BTBD17: variants seen among roughly 807,000 people sequenced by gnomAD.
The protein encoded by BTBD17 is BTB/POZ domain-containing protein 17.
In BTBD17, 26 loss-of-function variants were observed where a neutral mutation model predicts 36.9. The ratio of observed to expected loss-of-function variants is 0.70; its 90% CI spans 0.52 to 0.98. The LOEUF (loss-of-function observed/expected upper bound fraction) is 0.98. Among genes scored for constraint, BTBD17 ranks in the 50% least tolerant of loss-of-function variants. The pLI, the probability that BTBD17 is intolerant of heterozygous loss-of-function variation, is 0.00. For missense variants in BTBD17, 630 were observed against 691.3 expected, an observed-to-expected ratio of 0.91 and a Z score of 0.99; for synonymous variants, 341 against 338.0, an observed-to-expected ratio of 1.01 and a Z score of -0.10.
Position 74,356,566 on chromosome 17 carries a change from G to T in BTBD17, c.*91C>A, listed in dbSNP as rs1396340006. The T allele has an allele frequency of 7.3e-7, 1 of 1,360,544 alleles. No homozygotes were observed. Among genetic ancestry groups the T allele is most frequent in the Non-Finnish European group, 9.5e-7 (1 of 1,053,198 alleles). 84.3% of individuals were successfully genotyped at this position (1,360,544 alleles called of 1,614,324 possible). ...GTGGCCGGCGCCTGGCCATCCAGGG[G>T]ACCAGGCTTGTTGCCACCTCCAGGC... On this transcript the variant is annotated 3_prime_UTR_variant, in exon 3 of 3. Transcript: ENST00000375366. This position sits in a 1 kb window ranked among gnomAD's most constrained non-coding sequence, Gnocchi z 4.3.
At chr17:74,359,095 C>G (rs1297963800) in intron 2 of BTBD17, among the ~76,000 whole-genome samples, 1 of 152,126 alleles carries the variant, frequency 6.6e-6, no homozygotes. Context: ...GTGAATGGCA[C>G]CCCCTGAGCA....
At position 74,360,215 on chromosome 17, in the gene BTBD17, G is replaced by C; in HGVS notation, c.116C>G (p.Ala39Gly). The change falls in exon 2 of 3, where the codon GCT becomes GGT. Residue 39 changes from alanine to glycine, a missense_variant. Coordinates refer to ENST00000375366, the MANE Select transcript of BTBD17 (RefSeq NM_001080466.2). ...AQRADVGGEA[A>G]GTSINHSQAV... ...CTGGGAGTGGTTGATGGAGGTGCCA[G>C]CTGCCTCCCCGCCAACATCGGCTCT... 6.2e-7 allele frequency: 1 copy of C among 1,607,626 alleles called. No individual in the cohort carries two copies. Among genetic ancestry groups the C allele is most frequent in the Non-Finnish European group, 8.5e-7 (1 of 1,176,538 alleles).
chr17:74,356,649 C>G lies in BTBD17; in HGVS notation c.*8G>C. The G allele has an allele frequency of 6.7e-7, 1 of 1,502,774 alleles. No individual in the cohort carries two copies. Among genetic ancestry groups the G allele is most frequent in the Non-Finnish European group, 8.9e-7 (1 of 1,118,678 alleles). The allele number at this position is 1,502,774 out of a possible 1,614,324, so 93.1% of individuals were successfully genotyped here. ...CCTAGGCCAGGCCTTTATTCCCAGA[C>G]CCCGAGGCTACTTGGGGGTCCGGAT... On this transcript the variant is annotated 3_prime_UTR_variant, in exon 3 of 3. Coordinates refer to ENST00000375366, the MANE Select transcript of BTBD17 (RefSeq NM_001080466.2). This position sits in a 1 kb window ranked among gnomAD's most constrained non-coding sequence, Gnocchi z 4.3.
At chr17:74,362,360 G>T (rs2054946089), upstream of BTBD17, among the ~76,000 whole-genome samples, 1 of 152,316 alleles carries the variant, frequency 6.6e-6, no homozygotes, top group African/African-American at 2.4e-5. Flanking sequence ...CTCCCATTTT[G>T]GGGTGGGGCA....
Position 74,360,152 on chromosome 17 carries a change from C to T in BTBD17, c.179G>A (p.Gly60Asp), listed in dbSNP as rs2054928211. ...CCGCAGAACCACATCGCTGGCGTTG[C>T]CCTGCCGCAGCAGCTCCTGCAAGCG... ...LQRLQELLRQ[G>D]NASDVVLRVQ... is the part of the protein sequence containing the mutation. The change falls in exon 2 of 3, where the codon GGC becomes GAC. Residue 60 changes from glycine to aspartate, a missense_variant. Transcript: ENST00000375366. The T allele has an allele frequency of 2.5e-6, 4 of 1,612,680 alleles. No homozygotes were observed. Among genetic ancestry groups the T allele is most frequent in the Non-Finnish European group, 3.4e-6 (4 of 1,179,850 alleles).
chr17:74,356,836 G>T lies in BTBD17; in HGVS notation c.1258C>A (p.Gln420Lys). 1 of 1,567,118 alleles carries T rather than the reference G, an allele frequency of 6.4e-7. No individual in the cohort carries two copies. Among genetic ancestry groups the T allele is most frequent in the Non-Finnish European group, 8.6e-7 (1 of 1,163,162 alleles). The change falls in exon 3 of 3, where the codon CAG becomes AAG. Residue 420 changes from glutamine (Q) to lysine (K), a missense_variant. Transcript: ENST00000375366. The surrounding 1 kb of genome is among the most constrained non-coding windows in gnomAD (Gnocchi z 4.3). Reference protein sequence around the residue: ...QKTVLVGARQQGRLLVRHAYS... With the variant: ...QKTVLVGARQKGRLLVRHAYS... Reference sequence around the variant, plus strand: ...GCGTGGCGGACCAGCAGGCGGCCCTGCTGGCGCGCCCCCACCAGCACCGTC... The same window carrying T: ...GCGTGGCGGACCAGCAGGCGGCCCTTCTGGCGCGCCCCCACCAGCACCGTC...
Position 74,357,242 on chromosome 17 carries a change from G to T in BTBD17, c.852C>A (p.Asp284Glu). ...GGAACTGGTAGGCCTGCAGCAGGAG[G>T]TCGGCCACCGCGGGGCCGTGGCGCG... ...ALARHGPAVA[D>E]LLLQAYQFHA... is the part of the protein sequence containing the mutation. Residue 284 changes from aspartate to glutamate, a missense_variant, in exon 3 of 3, where the codon GAC becomes GAA. Physicochemically the swap from Asp to Glu is conservative, Grantham distance 45. Coordinates refer to ENST00000375366, the MANE Select transcript of BTBD17 (RefSeq NM_001080466.2). This position sits in a 1 kb window ranked among gnomAD's most constrained non-coding sequence, Gnocchi z 8.4. The T allele has an allele frequency of 6.4e-7, 1 of 1,570,336 alleles. No homozygotes were observed.
In BTBD17 at chr17:74,357,464, G is replaced by C; in HGVS notation, c.630C>G (p.Pro210=). The change falls in exon 3 of 3, where the codon CCC becomes CCG. Residue 210 remains proline (P), a synonymous_variant. Coordinates refer to ENST00000375366, the MANE Select transcript of BTBD17 (RefSeq NM_001080466.2). The surrounding 1 kb of genome is among the most constrained non-coding windows in gnomAD (Gnocchi z 8.4). The part of the protein sequence containing the change: ...AASTEWGAVS[P]ELLWQLLQRS... The stretch of plus-strand genomic sequence containing the variant: ...GTTGCAGGAGCTGCCAGAGCAGCTC[G>C]GGGCTCACGGCGCCCCACTCGGTGC... 6.3e-7 allele frequency: 1 copy of C among 1,577,388 alleles called. No individual in the cohort carries two copies. The highest frequency in any genetic ancestry group is 8.5e-7 in the Non-Finnish European group (1 of 1,170,476).
Position 74,357,773 on chromosome 17 carries a change from C to T in BTBD17, c.363-42G>A. On this transcript the variant is annotated intron_variant, in intron 2 of 2. Coordinates refer to ENST00000375366, the MANE Select transcript of BTBD17 (RefSeq NM_001080466.2). This position sits in a 1 kb window ranked among gnomAD's most constrained non-coding sequence, Gnocchi z 8.4. ...GAGGTGGGGCGGGGTCAGGGCGGTA[C>T]CCACCTCCCAGGATAGATTTTTTAG... The T allele has an allele frequency of 6.9e-7, 1 of 1,457,780 alleles. No individual in the cohort carries two copies. The highest frequency in any genetic ancestry group is 9.2e-7 in the Non-Finnish European group (1 of 1,089,260). The allele number at this position is 1,457,780 out of a possible 1,614,324, so 90.3% of individuals were successfully genotyped here. A position where few individuals can be genotyped will look rare whatever the true frequency, so the allele number is the denominator to read the frequency against.
At chr17:74,359,457 C>T (rs1194836495) in intron 2 of BTBD17, among the ~76,000 whole-genome samples, 2 of 152,140 alleles carry the variant, frequency 1.3e-5, no homozygotes, top group African/African-American at 2.4e-5. Context: ...TCTCAGCTCA[C>T]TGCAAACCCA....
chr17:74,359,992 G>T lies in BTBD17; in HGVS notation c.339C>A (p.Ala113=). 1 of 1,611,166 alleles carries T rather than the reference G, an allele frequency of 6.2e-7. No homozygotes were observed. Among genetic ancestry groups the T allele is most frequent in the East Asian group, 2.2e-5 (1 of 44,812 alleles). ...ACCTGATGAACTTGTCGAAGACAGC[G>T]GCGCAGTCCTGTGGCTCCTGCAGCA... ...EAVLQEPQDC[A]AVFDKFIRYL... is the part of the protein sequence containing the mutation. The change falls in exon 2 of 3, where the codon GCC becomes GCA. Residue 113 remains alanine (A), a synonymous_variant. Coordinates refer to ENST00000375366, the MANE Select transcript of BTBD17 (RefSeq NM_001080466.2).
intron 2 of BTBD17, among the ~76,000 whole-genome samples, chr17:74,358,927 G>C (rs995403304): frequency 7.2e-5 from 11 of 152,236 alleles, no homozygotes; most frequent in Non-Finnish European, 2.9e-5. Flanking sequence ...TTGCAGGAAG[G>C]CTGATTAAAT....
intron 2 of BTBD17, among the ~76,000 whole-genome samples, chr17:74,359,410 C>G (rs762564718): frequency 6.6e-6 from 1 of 151,990 alleles, no homozygotes; most frequent in Non-Finnish European, 1.5e-5. Flanking sequence ...CAGACAGAAT[C>G]CTGCTCTGTC....
In BTBD17 at chr17:74,357,573, T is replaced by A; in HGVS notation, c.521A>T (p.His174Leu). ...GGAGPAVGWYHYAVGTGDEAL... is the reference protein window; with the variant it reads ...GGAGPAVGWYLYAVGTGDEAL... ...CTCGTCCCCGGTGCCCACCGCGTAG[T>A]GGTACCAGCCCACCGCCGGGCCCGC... Residue 174 changes from histidine to leucine, a missense_variant, in exon 3 of 3, where the codon CAC becomes CTC. Coordinates refer to ENST00000375366, the MANE Select transcript of BTBD17 (RefSeq NM_001080466.2). This position sits in a 1 kb window ranked among gnomAD's most constrained non-coding sequence, Gnocchi z 8.4. 1.3e-6 allele frequency: 2 copies of A among 1,553,352 alleles called. No homozygotes were observed.
At chr17:74,359,206 G>T (rs1375141490) in intron 2 of BTBD17, among the ~76,000 whole-genome samples, 1 of 151,970 alleles carries the variant, frequency 6.6e-6, no homozygotes, top group Non-Finnish European at 1.5e-5. Context: ...CCACAGCGAT[G>T]CTTTCAAATA....
In BTBD17 at chr17:74,357,772, A is replaced by T; in HGVS notation, c.363-41T>A. 2.1e-6 allele frequency: 3 copies of T among 1,460,870 alleles called. No individual in the cohort carries two copies. Among genetic ancestry groups the T allele is most frequent in the Non-Finnish European group, 1.8e-6 (2 of 1,090,788 alleles). The allele number at this position is 1,460,870 out of a possible 1,614,324, so 90.5% of individuals were successfully genotyped here. A position where few individuals can be genotyped will look rare whatever the true frequency, so the allele number is the denominator to read the frequency against. On this transcript the variant is annotated intron_variant, in intron 2 of 2. Coordinates refer to ENST00000375366, the MANE Select transcript of BTBD17 (RefSeq NM_001080466.2). The surrounding 1 kb of genome is among the most constrained non-coding windows in gnomAD (Gnocchi z 8.4). ...AGAGGTGGGGCGGGGTCAGGGCGGT[A>T]CCCACCTCCCAGGATAGATTTTTTA...
Position 74,357,091 on chromosome 17 carries a change from G to A in BTBD17, c.1003C>T (p.Arg335Cys). The A allele has an allele frequency of 6.6e-7, 1 of 1,522,178 alleles. No homozygotes were observed. The highest frequency in any genetic ancestry group is 8.7e-7 in the Non-Finnish European group (1 of 1,147,664). The allele number at this position is 1,522,178 out of a possible 1,614,324, so 94.3% of individuals were successfully genotyped here. A position where few individuals can be genotyped will look rare whatever the true frequency, so the allele number is the denominator to read the frequency against. ...AGCTGCGTCTGGAAGCTGGTGCTGC[G>A]GTCGTCGCGGGCCGGGTTGTTGATG... Reference protein sequence around the residue: ...WVINNPARDDRSTSFQTQLGP... With the variant: ...WVINNPARDDCSTSFQTQLGP... Residue 335 changes from arginine (R) to cysteine (C), a missense_variant, in exon 3 of 3, where the codon CGC becomes TGC. Coordinates refer to ENST00000375366, the MANE Select transcript of BTBD17 (RefSeq NM_001080466.2). The surrounding 1 kb of genome is among the most constrained non-coding windows in gnomAD (Gnocchi z 8.4).
Position 74,357,365 on chromosome 17 carries a change from C to T in BTBD17, c.729G>A (p.Pro243=). 7 of 1,549,596 alleles carry T rather than the reference C, an allele frequency of 4.5e-6. No individual in the cohort carries two copies. Among genetic ancestry groups the T allele is most frequent in the Admixed American group, 1.9e-5 (1 of 52,716 alleles). ...ALEAWLGRAR[P]PPAVAERALR... is the part of the protein sequence containing the mutation. ...GCGCCCGCTCGGCCACGGCAGGGGG[C>T]GGCCGCGCGCGACCCAGCCAGGCCT... Residue 243 remains proline, a synonymous_variant, in exon 3 of 3, where the codon CCG becomes CCA. Coordinates refer to ENST00000375366, the MANE Select transcript of BTBD17 (RefSeq NM_001080466.2). This position sits in a 1 kb window ranked among gnomAD's most constrained non-coding sequence, Gnocchi z 8.4.
Position 74,357,866 on chromosome 17 carries a change from C to G in BTBD17, c.363-135G>C. On this transcript the variant is annotated intron_variant, in intron 2 of 2. Transcript: ENST00000375366. This position sits in a 1 kb window ranked among gnomAD's most constrained non-coding sequence, Gnocchi z 8.4. ...GGGTGCAAACACAGTGGAAGCCCCA[C>G]CCTGAGGCTTCCCATGTTTTCCTTT... 4.8e-6 allele frequency: 3 copies of G among 628,586 alleles called. No homozygotes were observed. The highest frequency in any genetic ancestry group is 7.9e-6 in the Non-Finnish European group (3 of 378,578). 38.9% of individuals were successfully genotyped at this position (628,586 alleles called of 1,614,324 possible). A position where few individuals can be genotyped will look rare whatever the true frequency, so the allele number is the denominator to read the frequency against.
Sources: gnomAD v4.1 joint callset for allele counts (sites outside exome capture counted in the v4.1 genomes callset) on GRCh38, gnomAD v4.1.1 for gene constraint, Gnocchi (gnomAD v3.1) non-coding constraint, MANE v1.5 for transcripts, NCBI Gene and HGNC (gene_info 2026-07-23, HGNC 2026-07-21) for gene names.